MYO1E: variants seen among roughly 807,000 people sequenced by gnomAD.
MYO1E encodes myosin IE, also known as unconventional myosin-Ie.
A neutral mutation model predicts 151.1 loss-of-function variants in MYO1E; 68 were observed. That is an observed-to-expected ratio of 0.45 (90% CI 0.37 to 0.55). MYO1E has a LOEUF of 0.55. Among genes scored for constraint, MYO1E ranks in the 20% least tolerant of loss-of-function variants. The pLI is 0.00. For synonymous variants in MYO1E, 601 were observed against 501.7 expected, an observed-to-expected ratio of 1.20 and a Z score of -2.64; for missense variants, 1,363 against 1,389.3, an observed-to-expected ratio of 0.98 and a Z score of 0.30.
intron 1 of MYO1E, among the ~76,000 whole-genome samples, chr15:59,356,692 A>G (rs113025458): frequency 0.012 from 1,730 of 145,240 alleles, 29 homozygotes; most frequent in African/African-American, 0.037. Flanking sequence ...ATCCTCCCAC[A>G]TAAGCCTCCC....
intron 2 of MYO1E, among the ~76,000 whole-genome samples, chr15:59,269,947 C>CAG (rs1278176203): frequency 6.6e-6 from 1 of 151,976 alleles, no homozygotes; most frequent in East Asian, 1.9e-4. Flanking sequence ...TGAGACTTTG[C>CAG]AGAGAGTCTG....
chr15:59,231,615 C>G (rs1221841564), intron 6 of MYO1E, 87 bp downstream of exon 6: 17 of 1,374,990 alleles, frequency 1.2e-5, no homozygotes, highest in Middle Eastern at 1.8e-4. Flanking sequence ...GTGAAAGGCT[C>G]CCATTTCCTG....
intron 16 of MYO1E, 138 bp from the exon 17 acceptor site, chr15:59,195,705 C>G (rs555828925): frequency 8.1e-6 from 7 of 863,176 alleles, no homozygotes. Context: ...TTAAGCATAA[C>G]TCAGGTCTAC....
chr15:59,258,928 A>G (rs1435512802), intron 3 of MYO1E, among the ~76,000 whole-genome samples: 4 of 151,432 alleles, frequency 2.6e-5, no homozygotes, highest in Non-Finnish European at 4.4e-5. Context: ...TTTAGGCTAA[A>G]CTTAATTTAA....
chr15:59,335,501 T>TA lies in MYO1E; in HGVS notation c.3+36996dup, dbSNP rs373124829. The stretch of plus-strand genomic sequence containing the variant: ...TCAATAAATCTGTGCCGAATATGAA[T>TA]AAAAAAAAAACCCACTTGGTTCTAC... On this transcript the variant is annotated intron_variant, in intron 1 of 27. Transcript: ENST00000288235. Among the ~76,000 whole-genome samples, 268 of 147,748 alleles carry TA rather than the reference T, an allele frequency of 1.8e-3. 1 individual carries two copies. The highest frequency in any genetic ancestry group is 3.2e-3 in the Admixed American group (48 of 14,812).
chr15:59,222,019 T>C (rs2079959255), intron 9 of MYO1E, among the ~76,000 whole-genome samples: 2 of 152,220 alleles, frequency 1.3e-5, no homozygotes, highest in Non-Finnish European at 2.9e-5. Context: ...TTATGATTAT[T>C]AGGTCATGTT....
intron 14 of MYO1E, chr15:59,206,840 C>T (rs567853922): frequency 3.2e-6 from 4 of 1,245,210 alleles, no homozygotes; most frequent in South Asian, 1.5e-5. Flanking sequence ...GCGCACCTGC[C>T]GTAGAGTGCT....
intron 15 of MYO1E, among the ~76,000 whole-genome samples, chr15:59,202,810 T>C (rs945857318): frequency 4.6e-5 from 7 of 152,282 alleles, no homozygotes; most frequent in East Asian, 1.9e-4. Flanking sequence ...GGTTCAATCA[T>C]GGCTCACTGC....
At chr15:59,318,205 T>C (rs1313747462) in intron 1 of MYO1E, among the ~76,000 whole-genome samples, 2 of 152,180 alleles carry the variant, frequency 1.3e-5, no homozygotes, top group African/African-American at 4.8e-5. Flanking sequence ...CCCAGGCCTC[T>C]CCAGCCATTA....
At position 59,261,498 on chromosome 15, in the gene MYO1E, T is replaced by C. The variant is rs1346789229; in HGVS notation, c.159A>G (p.Gly53=). 1.3e-6 allele frequency: 2 copies of C among 1,598,820 alleles called. No homozygotes were observed. Among genetic ancestry groups the C allele is most frequent in the East Asian group, 4.5e-5 (2 of 44,706 alleles). The stretch of plus-strand genomic sequence containing the variant: ...AAGGGTTGACTGAGATTAATACAGA[T>C]CCTATATATGTCTGAATTTAACTCA... ...YMDDYIFTYI[G]SVLISVNPFK... Residue 53 remains glycine, a synonymous_variant, in exon 3 of 28, where the codon GGA becomes GGG. Transcript: ENST00000288235.
At chr15:59,302,607 A>AT (rs2080489565) in intron 1 of MYO1E, among the ~76,000 whole-genome samples, 1 of 152,096 alleles carries the variant, frequency 6.6e-6, no homozygotes, top group Admixed American at 6.5e-5. Context: ...AACACAACTG[A>AT]TTTTTTGACT....
intron 18 of MYO1E, among the ~76,000 whole-genome samples, chr15:59,186,925 G>A (rs1189287254): frequency 6.6e-6 from 1 of 152,054 alleles, no homozygotes; most frequent in Non-Finnish European, 1.5e-5. Context: ...CACAAAATAA[G>A]AACAATTTAA....
chr15:59,363,683 C>G (rs2080897941), intron 1 of MYO1E, among the ~76,000 whole-genome samples: 1 of 152,174 alleles, frequency 6.6e-6, no homozygotes, highest in South Asian at 2.1e-4. Context: ...AAAACCAACA[C>G]TGGTGCTAGA....
chr15:59,257,599 C>A (rs1339487540), intron 3 of MYO1E, among the ~76,000 whole-genome samples: 1 of 152,058 alleles, frequency 6.6e-6, no homozygotes, highest in African/African-American at 2.4e-5. Flanking sequence ...GGGGGCCTGG[C>A]TGAGAAGTTG....
chr15:59,143,203 C>T (rs1406430948), intron 26 of MYO1E, among the ~76,000 whole-genome samples: 1 of 152,154 alleles, frequency 6.6e-6, no homozygotes, highest in East Asian at 1.9e-4. Flanking sequence ...CAACTGCTAC[C>T]ATGCTGGCAG....
intron 9 of MYO1E, among the ~76,000 whole-genome samples, chr15:59,221,579 T>C (rs1219768141): frequency 6.6e-6 from 1 of 152,076 alleles, no homozygotes; most frequent in African/African-American, 2.4e-5. Flanking sequence ...TCAAAGGAAA[T>C]TATTGGTAGG....
chr15:59,307,472 G>A (rs750001403), intron 1 of MYO1E, among the ~76,000 whole-genome samples: 1 of 152,174 alleles, frequency 6.6e-6, no homozygotes, highest in Non-Finnish European at 1.5e-5. Flanking sequence ...TTTAATCTAC[G>A]TTAATCCTGC....
intron 1 of MYO1E, among the ~76,000 whole-genome samples, chr15:59,356,836 T>A (rs2140438216): frequency 6.6e-6 from 1 of 152,138 alleles, no homozygotes; most frequent in Non-Finnish European, 1.5e-5. Flanking sequence ...CTTAAAGTGC[T>A]GGGATTACAG....
At chr15:59,147,890 T>C (rs1257460717) in intron 26 of MYO1E, among the ~76,000 whole-genome samples, 2 of 152,118 alleles carry the variant, frequency 1.3e-5, no homozygotes, top group Admixed American at 6.5e-5. Context: ...CAACAATGCC[T>C]GAAGCGTAGA....
Sources: allele counts gnomAD v4.1 joint callset (sites outside exome capture counted in the v4.1 genomes callset), GRCh38; gene constraint gnomAD v4.1.1; transcripts MANE v1.5; gene names NCBI Gene and HGNC (gene_info 2026-07-23, HGNC 2026-07-21).